The following PARD3B variants were observed in gnomAD, a reference collection of about 807,000 sequenced individuals.
The protein encoded by PARD3B is par-3 family cell polarity regulator beta.
In PARD3B, 103 loss-of-function variants were observed where a neutral mutation model predicts 130.2. The ratio of observed to expected loss-of-function variants is 0.79; its 90% CI spans 0.67 to 0.93. The LOEUF (loss-of-function observed/expected upper bound fraction) is 0.93, where lower values mean the gene tolerates loss of function less well. Among genes scored for constraint, PARD3B ranks in the 40% least tolerant of loss-of-function variants. PARD3B has a pLI of 0.00. For missense variants in PARD3B, 1,609 were observed against 1,499.2 expected, an observed-to-expected ratio of 1.07 and a Z score of -1.21; for synonymous variants, 583 against 553.2, an observed-to-expected ratio of 1.05 and a Z score of -0.76.
chr2:204,945,993 A>G (rs1023565519), intron 2 of PARD3B, among the ~76,000 whole-genome samples: 3 of 152,152 alleles, frequency 2.0e-5, no homozygotes, highest in African/African-American at 7.2e-5. Flanking sequence ...TGTCCAGTGA[A>G]ATCACACTAA....
intron 4 of PARD3B, among the ~76,000 whole-genome samples, chr2:205,080,806 C>T (rs1473529634): frequency 6.6e-6 from 1 of 152,038 alleles, no homozygotes; most frequent in East Asian, 1.9e-4. Flanking sequence ...TTGCCTTTTT[C>T]ATTTTAGCTA....
chr2:204,704,485 A>G (rs150316449), intron 2 of PARD3B, among the ~76,000 whole-genome samples: 479 of 152,314 alleles, frequency 3.1e-3, no homozygotes, highest in Middle Eastern at 0.01. Context: ...CAATCTTCAT[A>G]AAGAACCATC....
At chr2:205,132,672 A>G (rs1026709721) in intron 10 of PARD3B, among the ~76,000 whole-genome samples, 3 of 152,202 alleles carry the variant, frequency 2.0e-5, no homozygotes, top group African/African-American at 7.2e-5. Context: ...CTATAAAGAA[A>G]TAGTCCTTAA....
In PARD3B at chr2:204,935,253, T is replaced by G. The variant is rs187077573; in HGVS notation, c.223-29899T>G. Among the ~76,000 whole-genome samples, 715 of 151,222 alleles carry G rather than the reference T, an allele frequency of 4.7e-3. 5 individuals are homozygous for G. The highest frequency in any genetic ancestry group is 0.011 in the African/African-American group (463 of 41,244). The stretch of plus-strand genomic sequence containing the variant: ...TGTTAAGAATGCAAAAAATAGGCTG[T>G]GCGCAGTGGCTCACGCCTGTAATCC... On this transcript the variant is annotated intron_variant, in intron 2 of 22. Transcript: ENST00000406610.
intron 20 of PARD3B, among the ~76,000 whole-genome samples, chr2:205,492,774 A>G (rs1447147624): frequency 6.6e-6 from 1 of 152,178 alleles, no homozygotes; most frequent in African/African-American, 2.4e-5. Flanking sequence ...CTTAAATGTC[A>G]TTTGAAGAAT....
At chr2:205,255,463 C>G (rs2040042469) in intron 16 of PARD3B, among the ~76,000 whole-genome samples, 2 of 152,056 alleles carry the variant, frequency 1.3e-5, no homozygotes, top group African/African-American at 2.4e-5. Flanking sequence ...TCCTATAATT[C>G]AATTCAATTC....
rs545458789 is a variant in PARD3B, at chr2:204,610,228, T to TG, written c.120+64115dup. Among the ~76,000 whole-genome samples, 17 of 152,252 alleles carry TG rather than the reference T, an allele frequency of 1.1e-4. 1 individual carries two copies. The South Asian group carries it at 3.5e-3, about 32-fold the overall frequency. On this transcript the variant is annotated intron_variant, in intron 1 of 22. Transcript: ENST00000406610. This position sits in a 1 kb window ranked among gnomAD's most constrained non-coding sequence, Gnocchi z 4.1. Reference sequence around the variant, plus strand: ...CATGAGGGACATCCATTCAGACAGTTGGGGGGCTTAGGATTTCATTTTTGG... The same window carrying TG: ...CATGAGGGACATCCATTCAGACAGTTGGGGGGGCTTAGGATTTCATTTTTGG...
At chr2:204,781,809 A>G (rs966196007) in intron 2 of PARD3B, among the ~76,000 whole-genome samples, 4 of 152,100 alleles carry the variant, frequency 2.6e-5, no homozygotes, top group Non-Finnish European at 4.4e-5. Context: ...GCATCTTAAT[A>G]TATATATTTT....
intron 21 of PARD3B, among the ~76,000 whole-genome samples, chr2:205,527,717 T>C (rs1326763856): frequency 6.6e-6 from 1 of 152,204 alleles, no homozygotes; most frequent in Non-Finnish European, 1.5e-5. Flanking sequence ...TCGTATCCGA[T>C]GATGCCATTA....
In PARD3B at chr2:205,077,492, C is replaced by T. The variant is rs368219236; in HGVS notation, c.505-26934C>T. 1.7e-3 allele frequency among the ~76,000 whole-genome samples: 253 copies of T among 152,280 alleles called. 1 individual carries two copies. Among genetic ancestry groups the T allele is most frequent in the African/African-American group, 5.6e-3 (231 of 41,564 alleles). ...TCTCAGTATTTGCCTGGCAGTTTCT[C>T]TTGATGCATGCGTGCTTGATTTTAG... On this transcript the variant is annotated intron_variant, in intron 4 of 22. Transcript: ENST00000406610.
chr2:205,277,154 G>T (rs1439410127), intron 16 of PARD3B, among the ~76,000 whole-genome samples: 15 of 152,202 alleles, frequency 9.9e-5, no homozygotes, highest in Admixed American at 9.8e-4. Context: ...TCACTCTGCT[G>T]GCCGTTGATA....
intron 1 of PARD3B, among the ~76,000 whole-genome samples, chr2:204,561,747 T>C (rs2031324603): frequency 6.6e-6 from 1 of 151,862 alleles, no homozygotes; most frequent in East Asian, 1.9e-4. Context: ...AGGTGCACGC[T>C]ACCACGCCCG....
Position 204,545,932 on chromosome 2 carries a change from A to C in PARD3B, c.-68A>C. The C allele has an allele frequency of 6.9e-7, 1 of 1,442,632 alleles. No individual in the cohort carries two copies. The highest frequency in any genetic ancestry group is 9.1e-7 in the Non-Finnish European group (1 of 1,098,790). The allele number at this position is 1,442,632 out of a possible 1,614,324, so 89.4% of individuals were successfully genotyped here. A position where few individuals can be genotyped will look rare whatever the true frequency, so the allele number is the denominator to read the frequency against. ...CCACCCGCCCCGGGCGTCCTCCGAGAGTGGGGGCTGCGCCCGCGGGGTCAG... is the reference window on the plus strand; with the variant it reads ...CCACCCGCCCCGGGCGTCCTCCGAGCGTGGGGGCTGCGCCCGCGGGGTCAG... On this transcript the variant is annotated 5_prime_UTR_variant, in exon 1 of 23. Coordinates refer to ENST00000406610, the MANE Select transcript of PARD3B (RefSeq NM_001302769.2).
At chr2:204,552,741 T>G (rs2030554166) in intron 1 of PARD3B, among the ~76,000 whole-genome samples, 1 of 152,228 alleles carries the variant, frequency 6.6e-6, no homozygotes, top group South Asian at 2.1e-4. Flanking sequence ...CGCAGCACCA[T>G]TTGTTGAATA....
intron 1 of PARD3B, chr2:204,558,036 T>C (rs2031042393): frequency 6.6e-6 from 1 of 152,226 alleles, no homozygotes; most frequent in African/African-American, 2.4e-5. Flanking sequence ...ATGATATCTC[T>C]GTCTTAGGAG....
At chr2:205,464,139 G>A (rs1444516272) in intron 20 of PARD3B, among the ~76,000 whole-genome samples, 2 of 151,972 alleles carry the variant, frequency 1.3e-5, no homozygotes, top group African/African-American at 4.8e-5. Context: ...GTGGAAACAT[G>A]GATTCTGTAC....
Position 205,552,648 on chromosome 2 carries a change from A to G in PARD3B, c.3181-676A>G, listed in dbSNP as rs1167620638. 2.0e-5 allele frequency among the ~76,000 whole-genome samples: 3 copies of G among 152,180 alleles called. 1 individual carries two copies. The highest frequency in any genetic ancestry group is 6.5e-5 in the Admixed American group (1 of 15,278). On this transcript the variant is annotated intron_variant, in intron 21 of 22. Transcript: ENST00000406610. ...GGTCTCAGACTCCAGACCTCAGGCAATCCACCCGCCTCTTGACCTCCGAAC... is the reference window on the plus strand; with the variant it reads ...GGTCTCAGACTCCAGACCTCAGGCAGTCCACCCGCCTCTTGACCTCCGAAC...
At chr2:205,202,071 T>A (rs972255008) in intron 15 of PARD3B, among the ~76,000 whole-genome samples, 3 of 152,120 alleles carry the variant, frequency 2.0e-5, no homozygotes, top group African/African-American at 7.2e-5. Context: ...AGCACCTCCA[T>A]CCACGGCAGG....
At chr2:204,635,789 A>G (rs986466110) in intron 1 of PARD3B, among the ~76,000 whole-genome samples, 2 of 152,218 alleles carry the variant, frequency 1.3e-5, no homozygotes, top group African/African-American at 2.4e-5. Flanking sequence ...TTTGTATGGA[A>G]GATAATATAT....
Sources: gnomAD v4.1 joint callset for allele counts (sites outside exome capture counted in the v4.1 genomes callset) on GRCh38, gnomAD v4.1.1 for gene constraint, Gnocchi (gnomAD v3.1) non-coding constraint, MANE v1.5 for transcripts, NCBI Gene and HGNC (gene_info 2026-07-23, HGNC 2026-07-21) for gene names.